The following MEGF10 variants were observed in gnomAD, a reference collection of about 807,000 sequenced individuals.
MEGF10 encodes the protein multiple EGF like domains 10.
Under a neutral mutation model 147.5 loss-of-function variants are expected in MEGF10, and 86 were observed. The observed-to-expected ratio is 0.58, with a 90% CI of 0.49 to 0.70. MEGF10 has a LOEUF of 0.70. Among genes scored for constraint, MEGF10 ranks in the 30% least tolerant of loss-of-function variants. The probability of loss-of-function intolerance (pLI) is 0.00; values close to 1 mark genes in which losing one functional copy is unlikely to be tolerated. For synonymous variants in MEGF10, 478 were observed against 525.5 expected, an observed-to-expected ratio of 0.91 and a Z score of 1.24; for missense variants, 1,329 against 1,487.3, an observed-to-expected ratio of 0.89 and a Z score of 1.75.
chr5:127,254,549 C>T, the MEGF10 span, among the ~76,000 whole-genome samples: 1 of 152,050 alleles, frequency 6.6e-6, no homozygotes, highest in Non-Finnish European at 1.5e-5. Context: ...CAGTGGCTCA[C>T]ACCTGTAATC....
At chr5:127,392,467 C>T (rs1357970324) in intron 5 of MEGF10, among the ~76,000 whole-genome samples, 2 of 152,152 alleles carry the variant, frequency 1.3e-5, no homozygotes, top group African/African-American at 4.8e-5. Context: ...AGTACCATCT[C>T]CTTATGTTTT....
chr5:127,342,476 G>T (rs937046448), intron 4 of MEGF10, among the ~76,000 whole-genome samples: 7 of 152,066 alleles, frequency 4.6e-5, no homozygotes, highest in African/African-American at 1.7e-4. Flanking sequence ...CTGTCTTCTG[G>T]CCATACCTTC....
rs1766463791 is a variant in MEGF10 at position 127,458,903 on chromosome 5, A to T, written c.*1585A>T. The T allele has an allele frequency of 6.6e-6, 1 of 152,196 alleles. No homozygotes were observed. The highest frequency in any genetic ancestry group is 6.5e-5 in the Admixed American group (1 of 15,268). 9.4% of individuals were successfully genotyped at this position (152,196 alleles called of 1,614,324 possible). A position where few individuals can be genotyped will look rare whatever the true frequency, so the allele number is the denominator to read the frequency against. On this transcript the variant is annotated 3_prime_UTR_variant, in exon 25 of 25. Transcript: ENST00000503335. ...CATTATTAATAATTATCTTGTAATG[A>T]ACTTAAATCTGGACTGTTCCAGGCA...
chr5:127,321,734 T>C (rs1760794317), intron 1 of MEGF10, among the ~76,000 whole-genome samples: 1 of 152,010 alleles, frequency 6.6e-6, no homozygotes, highest in Non-Finnish European at 1.5e-5. Flanking sequence ...GGGCAGAATA[T>C]CTGTTTGCAT....
chr5:127,245,248 C>A, the MEGF10 span, among the ~76,000 whole-genome samples: 1 of 151,990 alleles, frequency 6.6e-6, no homozygotes, highest in Admixed American at 6.6e-5. Flanking sequence ...GCTACTGGTA[C>A]CAAAACAGAT....
chr5:127,261,176 C>T, the MEGF10 span, among the ~76,000 whole-genome samples: 1 of 152,086 alleles, frequency 6.6e-6, no homozygotes, highest in Non-Finnish European at 1.5e-5. Context: ...GTGAATTCAT[C>T]ACCACTATAA....
intron 22 of MEGF10, among the ~76,000 whole-genome samples, chr5:127,450,497 G>A (rs1248180905): frequency 6.6e-6 from 1 of 152,192 alleles, no homozygotes; most frequent in Non-Finnish European, 1.5e-5. Context: ...TTTTCAGACA[G>A]GAGTTTGATG....
chr5:127,391,102 G>GCGCGCGCGCACACA (rs1426600414), intron 5 of MEGF10, among the ~76,000 whole-genome samples: 5 of 53,894 alleles, frequency 9.3e-5, no homozygotes, highest in East Asian at 7.4e-4. Context: ...GCGCGCGCGC[G>GCGCGCGCGCACACA]CACACACACA....
chr5:127,384,644 A>T (rs977702062), intron 5 of MEGF10, among the ~76,000 whole-genome samples: 2 of 152,252 alleles, frequency 1.3e-5, no homozygotes, highest in Non-Finnish European at 2.9e-5. Context: ...CAAACATTTT[A>T]AAAGAAGAAT....
intron 4 of MEGF10, among the ~76,000 whole-genome samples, chr5:127,344,844 G>T (rs1761822105): frequency 6.6e-6 from 1 of 152,200 alleles, no homozygotes; most frequent in Non-Finnish European, 1.5e-5. Context: ...ACATCGACCA[G>T]AGGACTGATC....
At chr5:127,447,341 A>T (rs908842187) in intron 20 of MEGF10, among the ~76,000 whole-genome samples, 10 of 151,932 alleles carry the variant, frequency 6.6e-5, no homozygotes, top group Non-Finnish European at 1.3e-4. Flanking sequence ...GTGCCCGGCT[A>T]ATTTTTTTTG....
chr5:127,234,692 T>A, the MEGF10 span, among the ~76,000 whole-genome samples: 1 of 152,236 alleles, frequency 6.6e-6, no homozygotes, highest in Admixed American at 6.5e-5. Context: ...GATTCATAAA[T>A]GTCGTTATTT....
chr5:127,320,465 A>G (rs1760745969), intron 1 of MEGF10, among the ~76,000 whole-genome samples: 1 of 146,970 alleles, frequency 6.8e-6, no homozygotes, highest in African/African-American at 2.4e-5. Context: ...AGATCAGTCT[A>G]GATACCACAG....
the MEGF10 span, among the ~76,000 whole-genome samples, chr5:127,231,665 GCCTGATACA>G: frequency 0.03 from 4,537 of 152,268 alleles, 217 homozygotes; most frequent in African/African-American, 0.1. Context: ...TTAGACCAAG[GCCTGATACA>G]TAGAAAATAC....
At chr5:127,306,401 T>C (rs973774026) in intron 1 of MEGF10, among the ~76,000 whole-genome samples, 15 of 152,348 alleles carry the variant, frequency 9.8e-5, no homozygotes, top group African/African-American at 2.6e-4. Flanking sequence ...CACTGAGTTC[T>C]AAGGAACAGT....
chr5:127,253,330 G>A, the MEGF10 span, among the ~76,000 whole-genome samples: 2 of 151,842 alleles, frequency 1.3e-5, no homozygotes, highest in Non-Finnish European at 2.9e-5. Context: ...AGATAATCAA[G>A]CTTCTATCTG....
At chr5:127,339,420 C>T (rs776271054) in intron 3 of MEGF10, among the ~76,000 whole-genome samples, 199 bp downstream of exon 3, 1 of 152,102 alleles carries the variant, frequency 6.6e-6, no homozygotes, top group Non-Finnish European at 1.5e-5. Context: ...GAGCTTACAG[C>T]CTAACTGCAG....
chr5:127,257,735 G>A, the MEGF10 span, among the ~76,000 whole-genome samples: 1 of 152,100 alleles, frequency 6.6e-6, no homozygotes, highest in Non-Finnish European at 1.5e-5. Context: ...ACACTTTCAA[G>A]CATTATAAGA....
the MEGF10 span, among the ~76,000 whole-genome samples, chr5:127,276,267 C>A: frequency 6.6e-6 from 1 of 152,208 alleles, no homozygotes; most frequent in Admixed American, 6.5e-5. Flanking sequence ...GTAAACACAT[C>A]ATGACCATTT....
Sources: gnomAD v4.1 joint callset for allele counts (sites outside exome capture counted in the v4.1 genomes callset) on GRCh38, gnomAD v4.1.1 for gene constraint, MANE v1.5 for transcripts, NCBI Gene and HGNC (gene_info 2026-07-23, HGNC 2026-07-21) for gene names.